GDPD2: variants seen among roughly 807,000 people sequenced by gnomAD.
GDPD2 encodes the protein glycerophosphodiester phosphodiesterase domain containing 2, also known as glycerophosphodiester phosphodiesterase 3.
A neutral mutation model predicts 49.2 loss-of-function variants in GDPD2; 23 were observed. The observed-to-expected ratio is 0.47, with a 90% confidence interval of 0.34 to 0.66. GDPD2 has a LOEUF of 0.66. Ranked by LOEUF, GDPD2 falls within the 30% of genes least tolerant of loss-of-function variation. The probability of loss-of-function intolerance (pLI) is 0.01; values close to 1 mark genes in which losing one functional copy is unlikely to be tolerated. For synonymous variants in GDPD2, 167 were observed against 171.4 expected (o/e 0.97, Z 0.20); for missense variants, 338 against 424.7 (o/e 0.80, Z 1.79).
In GDPD2 at chrX:70,425,378, C is replaced by G. The variant is rs751028329; in HGVS notation, c.130C>G (p.Leu44Val). Residue 44 changes from leucine to valine, a missense_variant, in exon 3 of 16, where the codon CTC (leucine) becomes GTC (valine). Leu to Val is a conservative substitution (Grantham distance 32). Coordinates refer to ENST00000374382, the MANE Select transcript of GDPD2 (RefSeq NM_017711.4). ...SKCDCIWFGL[L>V]FLTFLLSLSW... is the part of the protein sequence containing the mutation. ...GTGCGACTGTATCTGGTTTGGCCTG[C>G]TCTTCCTCACCTTCCTCCTTTCCCT... is the stretch of plus-strand genomic sequence containing the variant. 1 of 1,203,362 alleles carries G rather than the reference C, an allele frequency of 8.3e-7. No individual in the cohort carries two copies. The highest frequency in any genetic ancestry group is 1.1e-6 in the Non-Finnish European group (1 of 887,898).
At chrX:70,431,306 T>G (rs1438828165) in intron 12 of GDPD2, among the ~76,000 whole-genome samples, 1 of 111,994 alleles carries the variant, frequency 8.9e-6, no homozygotes, top group Non-Finnish European at 1.9e-5. Context: ...AAGGTCTAGG[T>G]GCTGTAAAAA....
chrX:70,424,102 CA>C (rs1402374014), intron 1 of GDPD2, among the ~76,000 whole-genome samples: 5 of 111,522 alleles, frequency 4.5e-5, no homozygotes, highest in Admixed American at 1.9e-4. Context: ...GCATAAGGTA[CA>C]GGGGTCCCCT....
Position 70,433,358 on chromosome X carries a change from GAAGT to G in GDPD2, c.*275_*278del, listed in dbSNP as rs781500752. On this transcript the variant is annotated 3_prime_UTR_variant, in exon 16 of 16. Transcript: ENST00000374382. The stretch of plus-strand genomic sequence containing the variant: ...CTCCTCAAATGAAACTAGAACAGAG[GAAGT>G]AAAAGGGAGATTGCTCGGATAATGT... 40 of 390,366 alleles carry G rather than the reference GAAGT, an allele frequency of 1.0e-4. No individual in the cohort carries two copies. Among genetic ancestry groups the G allele is most frequent in the African/African-American group, 9.7e-4 (39 of 40,002 alleles). 32.2% of individuals were successfully genotyped at this position (390,366 alleles called of 1,213,427 possible).
chrX:70,425,674 G>A (rs1048869026), intron 3 of GDPD2, 89 bp from the exon 4 acceptor site: 3 of 603,341 alleles, frequency 5.0e-6, no homozygotes, highest in Non-Finnish European at 2.9e-6. Context: ...CTCCCTTCTA[G>A]TCTTCCTGGA....
In GDPD2 at chrX:70,423,428, G is replaced by C. The variant is rs2086395304; in HGVS notation, c.-10+46G>C. 3.6e-5 allele frequency: 4 copies of C among 112,349 alleles called. No homozygotes were observed. In the Admixed American group the frequency reaches 3.7e-4, roughly 11 times the overall value. The allele number at this position is 112,349 out of a possible 1,213,427, so 9.3% of individuals were successfully genotyped here. ...TGGGGGGCTACAGGTGGGAGCTGTG[G>C]AGCAGAGACCAGCTCCATCCCACTG... On this transcript the variant is annotated intron_variant, in intron 1 of 15. Coordinates refer to ENST00000374382, the MANE Select transcript of GDPD2 (RefSeq NM_017711.4).
At chrX:70,426,782 A>G in intron 7 of GDPD2, 41 bp downstream of exon 7, 1 of 1,168,397 alleles carries the variant, frequency 8.6e-7, no homozygotes. Context: ...CTGGCCACTC[A>G]TGCTCTGCCA....
rs2086412451 is a variant in GDPD2 at position 70,425,426 on chromosome X, G to A, written c.178G>A (p.Val60Ile). 10 of 1,196,243 alleles carry A rather than the reference G, an allele frequency of 8.4e-6. No individual in the cohort carries two copies. The highest frequency in any genetic ancestry group is 5.3e-5 in the South Asian group (3 of 56,567). The change falls in exon 3 of 16, where the codon GTC becomes ATC. Residue 60 changes from valine to isoleucine, a missense_variant. By Grantham distance (29) the Val-to-Ile change is conservative. Transcript: ENST00000374382. ...CCTGAGCTGGCTGTACATCGGGCTCGTCCTTCTCAATGACCTGCACAACTT... is the reference window on the plus strand; with the variant it reads ...CCTGAGCTGGCTGTACATCGGGCTCATCCTTCTCAATGACCTGCACAACTT... ...LSLSWLYIGL[V>I]LLNDLHNFNE...
At position 70,427,029 on chromosome X, in the gene GDPD2, T is replaced by G. The variant is rs373600204; in HGVS notation, c.702+18T>G. The G allele has an allele frequency of 4.7e-4, 521 of 1,101,494 alleles. 1 individual carries two copies. Among genetic ancestry groups the G allele is most frequent in the Non-Finnish European group, 6.0e-4 (481 of 801,868 alleles). 90.8% of individuals were successfully genotyped at this position (1,101,494 alleles called of 1,213,427 possible). ...CCCCCATGGTGAGTGTTGGACAGAA[T>G]GCTGGGAGGGTGGGGAGGGTCTGCT... On this transcript the variant is annotated intron_variant, in intron 8 of 15. Coordinates refer to ENST00000374382, the MANE Select transcript of GDPD2 (RefSeq NM_017711.4).
At position 70,430,042 on chromosome X, in the gene GDPD2, A is replaced by T. The variant is rs771731119; in HGVS notation, c.1286A>T (p.Asp429Val). The stretch of plus-strand genomic sequence containing the variant: ...CAGTTTCTTAACCTCCCCTATCAAG[A>T]TCTGCCACTATTGGATATCAAGTGA... ...RPQFLNLPYQ[D>V]LPLLDIKALH... Residue 429 changes from aspartate (D) to valine (V), a missense_variant, in exon 12 of 16, where the codon GAT (aspartate) becomes GTT (valine). Transcript: ENST00000374382. The T allele has an allele frequency of 5.0e-6, 6 of 1,207,011 alleles. No homozygotes were observed. In the East Asian group the frequency reaches 8.9e-5, roughly 18 times the overall value.
intron 8 of GDPD2, 28 bp downstream of exon 8, chrX:70,427,039 G>T: frequency 1.7e-6 from 2 of 1,185,757 alleles, no homozygotes; most frequent in Non-Finnish European, 2.3e-6. Context: ...TGCTGGGAGG[G>T]TGGGGAGGGT....
chrX:70,426,553 ACTGCAGGTAGCT>A (rs1382987671), intron 6 of GDPD2, 83 bp from the exon 7 acceptor site: 7 of 1,042,706 alleles, frequency 6.7e-6, no homozygotes, highest in Non-Finnish European at 9.3e-6. Flanking sequence ...TTCCCCCAAG[ACTGCAGGTAGCT>A]CTGAACTCCA....
chrX:70,424,455 G>C (rs2086403563), intron 1 of GDPD2, among the ~76,000 whole-genome samples: 2 of 111,584 alleles, frequency 1.8e-5, no homozygotes, highest in Non-Finnish European at 3.8e-5. Flanking sequence ...CAACTAGCTG[G>C]GCCTTCCTTA....
chrX:70,430,082 G>A lies in GDPD2; in HGVS notation c.1307+19G>A, dbSNP rs759683318. On this transcript the variant is annotated intron_variant, in intron 12 of 15. Transcript: ENST00000374382. ...ATATCAAGTGAGTGCTAGAGGAAAG[G>A]AACCAAGGGGATCACATGAGGCTTA... 8.5e-7 allele frequency: 1 copy of A among 1,175,779 alleles called. No homozygotes were observed. Among genetic ancestry groups the A allele is most frequent in the Non-Finnish European group, 1.1e-6 (1 of 871,053 alleles).
chrX:70,432,948 C>G lies in GDPD2; in HGVS notation c.1567+8C>G. 1 of 1,188,546 alleles carries G rather than the reference C, an allele frequency of 8.4e-7. No homozygotes were observed. Among genetic ancestry groups the G allele is most frequent in the Non-Finnish European group, 1.1e-6 (1 of 874,542 alleles). ...AGAAGAGAGGGAAAACTGGTAAGAA[C>G]TTTCTCCCCTCACCTCATGTTTCTC... On this transcript the variant is annotated splice_region_variant and intron_variant, in intron 15 of 15. Transcript: ENST00000374382.
chrX:70,432,757 G>A (rs2086489580), intron 14 of GDPD2, 96 bp downstream of exon 14: 4 of 751,320 alleles, frequency 5.3e-6, no homozygotes, highest in Non-Finnish European at 8.3e-6. Flanking sequence ...CCAAGGCTTG[G>A]GGTCTCTTTA....
chrX:70,424,940 C>T, intron 1 of GDPD2, 36 bp from the exon 2 acceptor site: 2 of 930,656 alleles, frequency 2.1e-6, no homozygotes, highest in Non-Finnish European at 3.0e-6. Flanking sequence ...CTGCCCTCTG[C>T]CAGGGTCCCT....
Position 70,426,902 on chromosome X carries a change from T to C in GDPD2, c.593T>C (p.Val198Ala). Residue 198 changes from valine (V) to alanine (A), a missense_variant, in exon 8 of 16, where the codon GTT (valine) becomes GCT (alanine). By Grantham distance (64) the Val-to-Ala change is moderately conservative. Coordinates refer to ENST00000374382, the MANE Select transcript of GDPD2 (RefSeq NM_017711.4). ...KILLLLLFFG[V>A]VLVIYLAPLC... ...CTGCTACTGCTCCTATTTTTTGGAG[T>C]TGTCCTGGTCATCTACTTGGCCCCC... The C allele has an allele frequency of 8.3e-7, 1 of 1,208,701 alleles. No homozygotes were observed.
chrX:70,423,750 A>T (rs776671852), intron 1 of GDPD2, among the ~76,000 whole-genome samples: 178 of 110,844 alleles, frequency 1.6e-3, no homozygotes, highest in African/African-American at 5.6e-3. Flanking sequence ...CCCCTACCCT[A>T]ACCCTCCTTT....
At chrX:70,426,842 A>G (rs1191325546) in intron 7 of GDPD2, 24 bp from the exon 8 acceptor site, 5 of 1,205,367 alleles carry the variant, frequency 4.1e-6, no homozygotes, top group Non-Finnish European at 5.6e-6. Context: ...CCATTCTTGA[A>G]AGCCTGTCCC....
Sources: gnomAD v4.1 joint callset for allele counts (sites outside exome capture counted in the v4.1 genomes callset) on GRCh38, gnomAD v4.1.1 for gene constraint, MANE v1.5 for transcripts, NCBI Gene and HGNC (gene_info 2026-07-23, HGNC 2026-07-21) for gene names.